COLEC10: variants seen among roughly 807,000 people sequenced by gnomAD.
COLEC10 encodes the protein collectin-10.
A neutral mutation model predicts 28.4 loss-of-function variants in COLEC10; 22 were observed. The observed-to-expected ratio is 0.78, with a 90% CI of 0.55 to 1.11. The LOEUF is 1.11. Among genes scored for constraint, COLEC10 ranks in the 50% least tolerant of loss-of-function variants. COLEC10 has a pLI of 0.00. For missense variants in COLEC10, 361 were observed against 344.1 expected, an observed-to-expected ratio of 1.05 and a Z score of -0.39; for synonymous variants, 125 against 116.1, an observed-to-expected ratio of 1.08 and a Z score of -0.49.
intron 2 of COLEC10, among the ~76,000 whole-genome samples, chr8:119,033,465 T>C (rs1429313325): frequency 3.3e-5 from 5 of 152,102 alleles, no homozygotes; most frequent in African/African-American, 9.7e-5. Flanking sequence ...AGGCAACCTA[T>C]AGAACGGGAG....
At chr8:119,039,257 A>G (rs1814450271) in intron 2 of COLEC10, among the ~76,000 whole-genome samples, 1 of 151,994 alleles carries the variant, frequency 6.6e-6, no homozygotes, top group South Asian at 2.1e-4. Flanking sequence ...TTGATTCACT[A>G]CTTACCCTGC....
chr8:119,041,684 T>C (rs1814496475), intron 2 of COLEC10, among the ~76,000 whole-genome samples: 1 of 152,162 alleles, frequency 6.6e-6, no homozygotes, highest in African/African-American at 2.4e-5. Context: ...ACCTGACATA[T>C]CTTAGAGATT....
At chr8:119,024,783 A>G (rs1179950769) in intron 2 of COLEC10, among the ~76,000 whole-genome samples, 1 of 152,158 alleles carries the variant, frequency 6.6e-6, no homozygotes, top group African/African-American at 2.4e-5. Flanking sequence ...AGGAGAAGTC[A>G]TCTGACTTAC....
chr8:119,017,610 G>C (rs1373083100), intron 2 of COLEC10, among the ~76,000 whole-genome samples: 1 of 152,146 alleles, frequency 6.6e-6, no homozygotes, highest in African/African-American at 2.4e-5. Flanking sequence ...CTGTGTTTTG[G>C]AAATTGCTGT....
the COLEC10 span, among the ~76,000 whole-genome samples, chr8:118,989,409 G>A: frequency 6.6e-6 from 1 of 151,820 alleles, no homozygotes; most frequent in African/African-American, 2.4e-5. Flanking sequence ...AAGAAAGAAT[G>A]GAGCAGAAGA....
chr8:119,007,198 T>C (rs1387054472), intron 1 of COLEC10, among the ~76,000 whole-genome samples: 1 of 152,104 alleles, frequency 6.6e-6, no homozygotes, highest in Non-Finnish European at 1.5e-5. Flanking sequence ...TATCAGGCTT[T>C]ATTTCTACTT....
chr8:119,070,480 T>C (rs1415145617), intron 1 of COLEC10, among the ~76,000 whole-genome samples: 250 of 50,564 alleles, frequency 4.9e-3, no homozygotes, highest in Non-Finnish European at 6.9e-3. Context: ...TCTCTCTCCT[T>C]CCCCCTCCTT....
the COLEC10 span, among the ~76,000 whole-genome samples, chr8:118,960,155 G>A: frequency 6.6e-6 from 1 of 152,126 alleles, no homozygotes; most frequent in Non-Finnish European, 1.5e-5. Flanking sequence ...GGTAGGGGGT[G>A]TTGGTGGTAG....
At chr8:119,031,621 G>A (rs867662859) in intron 2 of COLEC10, among the ~76,000 whole-genome samples, 110 of 152,356 alleles carry the variant, frequency 7.2e-4, no homozygotes, top group African/African-American at 2.6e-3. Flanking sequence ...AGCTGAAAGA[G>A]CATAGTAAGT....
chr8:119,067,356 T>C lies in COLEC10; in HGVS notation c.75T>C (p.Ser25=), dbSNP rs1477996120. 6.2e-7 allele frequency: 1 copy of C among 1,613,850 alleles called. No homozygotes were observed. The highest frequency in any genetic ancestry group is 8.5e-7 in the Non-Finnish European group (1 of 1,179,968). ...TACTATTTCTTTTGCAAATTCAGAG[T>C]CTGGGTCTGGATATTGATAGCCGTC... is the stretch of plus-strand genomic sequence containing the variant. ...LLVLFLLQIQ[S]LGLDIDSRPT... Residue 25 remains serine, a synonymous_variant, in exon 1 of 6, where the codon AGT becomes AGC. Transcript: ENST00000332843.
intron 2 of COLEC10, among the ~76,000 whole-genome samples, chr8:119,013,782 G>A (rs1037752972): frequency 5.3e-5 from 8 of 150,442 alleles, no homozygotes; most frequent in Non-Finnish European, 7.4e-5. Flanking sequence ...AATTCATGTA[G>A]CTACTCCTGC....
At chr8:119,101,342 T>C (rs2130303657) in intron 3 of COLEC10, among the ~76,000 whole-genome samples, 1 of 152,326 alleles carries the variant, frequency 6.6e-6, no homozygotes, top group Admixed American at 6.5e-5. Context: ...GTCAGGGTCT[T>C]CCCTTTTGAT....
At chr8:119,102,009 C>T (rs1238484539) in intron 3 of COLEC10, among the ~76,000 whole-genome samples, 2 of 152,104 alleles carry the variant, frequency 1.3e-5, no homozygotes, top group African/African-American at 4.8e-5. Flanking sequence ...GGACAGGTTA[C>T]ACAAATTCAA....
chr8:119,069,629 AATATATATATATATAT>A (rs1207445435), intron 1 of COLEC10, among the ~76,000 whole-genome samples: 503 of 42,826 alleles, frequency 0.012, 27 homozygotes, highest in African/African-American at 0.035. Context: ...AAAAAAAAAA[AATATATATATATATAT>A]ATATATATAT....
rs146627442 is a variant in COLEC10, at chr8:119,000,686, T to C, written n.122+5113T>C. Among the ~76,000 whole-genome samples, 1,244 of 152,274 alleles carry C rather than the reference T, an allele frequency of 8.2e-3. 12 individuals carry two copies. Among genetic ancestry groups the C allele is most frequent in the African/African-American group, 0.027 (1,125 of 41,550 alleles). ...GAATGGAGGTCAGGAAATTTCTTAA[T>C]TGGGTATATTAATAGTATGTAAACT... On this transcript the variant is annotated intron_variant and non_coding_transcript_variant, in intron 1 of 6. Coordinates refer to the COLEC10 transcript ENST00000521788.
chr8:118,976,824 G>T, the COLEC10 span, among the ~76,000 whole-genome samples: 1 of 152,094 alleles, frequency 6.6e-6, no homozygotes, highest in Non-Finnish European at 1.5e-5. Flanking sequence ...CCTACAAAAT[G>T]GGAGAAAAGT....
At chr8:118,981,837 C>T in the COLEC10 span, among the ~76,000 whole-genome samples, 2 of 152,092 alleles carry the variant, frequency 1.3e-5, no homozygotes, top group East Asian at 1.9e-4. Flanking sequence ...GATTAAACCC[C>T]GTTTTCTCAG....
intron 3 of COLEC10, among the ~76,000 whole-genome samples, chr8:119,093,865 A>C (rs1815659317): frequency 6.6e-6 from 1 of 152,202 alleles, no homozygotes; most frequent in African/African-American, 2.4e-5. Flanking sequence ...CCCATTGAAA[A>C]TGCACAGGTT....
At position 119,038,924 on chromosome 8, in the gene COLEC10, A is replaced by G. The variant is rs555791041; in HGVS notation, n.235+29371A>G. Among the ~76,000 whole-genome samples the G allele has an allele frequency of 1.9e-3, 284 of 152,172 alleles. 1 individual carries two copies. Among genetic ancestry groups the G allele is most frequent in the African/African-American group, 6.5e-3 (271 of 41,522 alleles). On this transcript the variant is annotated intron_variant and non_coding_transcript_variant, in intron 2 of 6. Coordinates refer to the COLEC10 transcript ENST00000521788. ...TTTTTGAAATTTTTTGCCAATTTCC[A>G]TGACCACCTAATTACTATTATACAT...
Sources: gnomAD v4.1 joint callset for allele counts (sites outside exome capture counted in the v4.1 genomes callset) on GRCh38, gnomAD v4.1.1 for gene constraint, MANE v1.5 for transcripts, NCBI Gene and HGNC (gene_info 2026-07-23, HGNC 2026-07-21) for gene names.